Variants in NUBPL observed in about 807,000 individuals in gnomAD.
NUBPL encodes NUBP iron-sulfur cluster assembly factor, mitochondrial, also known as iron-sulfur cluster transfer protein NUBPL.
NUBPL carries 31 observed loss-of-function variants against 45.7 expected under a neutral mutation model. The observed-to-expected ratio is 0.68, with a 90% confidence interval of 0.51 to 0.92. The LOEUF (loss-of-function observed/expected upper bound fraction) is 0.92, where lower values mean the gene tolerates loss of function less well. Ranked by LOEUF, NUBPL falls within the 40% of genes least tolerant of loss-of-function variation. NUBPL has a pLI of 0.00. For synonymous variants in NUBPL, 144 were observed against 140.9 expected (o/e 1.02, Z -0.15); for missense variants, 401 against 398.7 (o/e 1.01, Z -0.05).
chr14:31,563,539 T>C (rs1442431794), intron 2 of NUBPL, among the ~76,000 whole-genome samples: 2 of 152,252 alleles, frequency 1.3e-5, no homozygotes, highest in African/African-American at 4.8e-5. Context: ...AACAGCTCTG[T>C]GAGCATATCT....
intron 3 of NUBPL, among the ~76,000 whole-genome samples, chr14:31,585,185 A>G (rs1031598743): frequency 6.6e-6 from 1 of 152,156 alleles, no homozygotes; most frequent in Non-Finnish European, 1.5e-5. Context: ...TGGAAGAAGA[A>G]TTGTCTTGGG....
intron 6 of NUBPL, 57 bp downstream of exon 6, chr14:31,673,631 T>G: frequency 6.9e-7 from 1 of 1,440,202 alleles, no homozygotes; most frequent in Non-Finnish European, 9.8e-7. Flanking sequence ...GTTAATACAT[T>G]TGCTGATTGG....
chr14:31,739,182 ATATATATATATATTATATTC>A (rs1369792775), intron 6 of NUBPL, among the ~76,000 whole-genome samples: 3 of 138,136 alleles, frequency 2.2e-5, no homozygotes, highest in African/African-American at 7.7e-5. Flanking sequence ...CCTGGCTAAT[ATATATATATATATTATATTC>A]TATATATATA....
chr14:31,817,706 A>T (rs1412966766), intron 7 of NUBPL, among the ~76,000 whole-genome samples: 1 of 152,252 alleles, frequency 6.6e-6, no homozygotes, highest in Non-Finnish European at 1.5e-5. Context: ...CTGCAAAAAC[A>T]TACCAAGTTG....
At chr14:31,726,315 T>C (rs535515015) in intron 6 of NUBPL, among the ~76,000 whole-genome samples, 3 of 152,228 alleles carry the variant, frequency 2.0e-5, no homozygotes, top group Non-Finnish European at 4.4e-5. Context: ...TATAGCTGTC[T>C]TAAAGTATAA....
rs2039312066 is a variant in NUBPL at position 31,787,865 on chromosome 14, C to T, written c.599C>T (p.Pro200Leu). ...DVQLSVSQNI[P>L]ITGAVIVSTP... ...CAGTTATCAGTCTCACAGAATATTC[C>T]TATAACAGGTAAATCTTCAAAGTTT... Residue 200 changes from proline (P) to leucine (L), a missense_variant, in exon 7 of 11, where the codon CCT (proline) becomes CTT (leucine). Physicochemically the swap from Pro to Leu is moderately conservative, Grantham distance 98. Transcript: ENST00000281081. 6.2e-7 allele frequency: 1 copy of T among 1,603,594 alleles called. No homozygotes were observed. Among genetic ancestry groups the T allele is most frequent in the African/African-American group, 1.3e-5 (1 of 74,822 alleles).
chr14:31,788,698 A>T (rs1566562246), intron 7 of NUBPL, among the ~76,000 whole-genome samples: 1 of 152,138 alleles, frequency 6.6e-6, no homozygotes, highest in Non-Finnish European at 1.5e-5. Context: ...GTGAGCAATT[A>T]CTGGGCATCT....
At chr14:31,609,814 A>G (rs970827417) in intron 4 of NUBPL, among the ~76,000 whole-genome samples, 4 of 152,206 alleles carry the variant, frequency 2.6e-5, no homozygotes, top group South Asian at 4.1e-4. Flanking sequence ...ATGCTCCTGA[A>G]TGACCTGTGG....
At chr14:31,574,542 GGT>G (rs1566422106) in intron 3 of NUBPL, among the ~76,000 whole-genome samples, 1 of 143,298 alleles carries the variant, frequency 7.0e-6, no homozygotes, top group African/African-American at 2.6e-5. Flanking sequence ...TGGGATTACA[GGT>G]GTAAGCCACT....
chr14:31,686,021 G>A (rs1392892079), intron 6 of NUBPL, among the ~76,000 whole-genome samples: 2 of 152,034 alleles, frequency 1.3e-5, no homozygotes, highest in African/African-American at 4.8e-5. Context: ...ATGGTACAGA[G>A]GCAGTTCTTT....
chr14:31,564,579 G>A (rs1187007656), intron 2 of NUBPL, among the ~76,000 whole-genome samples: 1 of 151,228 alleles, frequency 6.6e-6, no homozygotes, highest in Non-Finnish European at 1.5e-5. Flanking sequence ...CAGCCTGGGG[G>A]ACAGAGCATA....
intron 6 of NUBPL, among the ~76,000 whole-genome samples, chr14:31,735,006 A>G (rs1595560221): frequency 6.6e-6 from 1 of 152,212 alleles, no homozygotes; most frequent in Non-Finnish European, 1.5e-5. Context: ...TTTGGACCAG[A>G]TAATCCTGTA....
At chr14:31,569,498 G>T (rs1355559683) in intron 3 of NUBPL, among the ~76,000 whole-genome samples, 1 of 152,146 alleles carries the variant, frequency 6.6e-6, no homozygotes, top group Non-Finnish European at 1.5e-5. Context: ...TGCCTGGCCT[G>T]CATTGAGGTT....
chr14:31,752,336 A>G (rs1448342042), intron 6 of NUBPL, among the ~76,000 whole-genome samples: 2 of 152,228 alleles, frequency 1.3e-5, no homozygotes, highest in East Asian at 3.8e-4. Context: ...ATGACTATAT[A>G]CTTTCAGAAA....
chr14:31,587,873 T>C (rs2034034513), intron 3 of NUBPL, among the ~76,000 whole-genome samples: 1 of 152,230 alleles, frequency 6.6e-6, no homozygotes, highest in Non-Finnish European at 1.5e-5. Context: ...GATCATTTTG[T>C]TATTCTTAAA....
intron 7 of NUBPL, among the ~76,000 whole-genome samples, chr14:31,815,020 GC>G: frequency 6.6e-6 from 1 of 152,266 alleles, no homozygotes; most frequent in South Asian, 2.1e-4. Context: ...GGCTATATGG[GC>G]TCTTTTTTGA....
At chr14:31,598,510 A>G (rs1217639735) in intron 3 of NUBPL, among the ~76,000 whole-genome samples, 1 of 152,104 alleles carries the variant, frequency 6.6e-6, no homozygotes, top group Non-Finnish European at 1.5e-5. Context: ...GAGAAAGAAG[A>G]GAGGGGAAGA....
At chr14:31,616,996 G>A (rs1195651397) in intron 4 of NUBPL, among the ~76,000 whole-genome samples, 2 of 152,164 alleles carry the variant, frequency 1.3e-5, no homozygotes, top group East Asian at 1.9e-4. Context: ...CATGTCCCTT[G>A]TAAGTTGTAT....
intron 6 of NUBPL, chr14:31,714,870 C>T (rs2037653482): frequency 6.6e-6 from 1 of 152,194 alleles, no homozygotes; most frequent in Non-Finnish European, 1.5e-5. Flanking sequence ...CTGCAGTCAT[C>T]TTAAGTTATG....
Sources: allele counts gnomAD v4.1 joint callset (sites outside exome capture counted in the v4.1 genomes callset), GRCh38; gene constraint gnomAD v4.1.1; transcripts MANE v1.5; gene names NCBI Gene and HGNC (gene_info 2026-07-23, HGNC 2026-07-21).